The following KIAA1328 variants were observed in gnomAD, a reference collection of about 807,000 sequenced individuals.
The protein encoded by KIAA1328 is KIAA1328.
A neutral mutation model predicts 68.1 loss-of-function variants in KIAA1328; 52 were observed. The ratio of observed to expected loss-of-function variants is 0.76; its 90% CI spans 0.61 to 0.96. The LOEUF (loss-of-function observed/expected upper bound fraction) is 0.96. Ranked by LOEUF, KIAA1328 falls within the 40% of genes least tolerant of loss-of-function variation. The pLI is 0.00. For synonymous variants in KIAA1328, 232 were observed against 239.4 expected (o/e 0.97, Z 0.28); for missense variants, 641 against 677.6 (o/e 0.95, Z 0.60).
intron 9 of KIAA1328, among the ~76,000 whole-genome samples, chr18:37,176,112 G>A (rs1340345866): frequency 2.6e-5 from 4 of 152,112 alleles, no homozygotes; most frequent in South Asian, 2.1e-4. Context: ...GTTAACATTT[G>A]CATTTTTATT....
chr18:37,143,185 C>A (rs1002842496), intron 7 of KIAA1328, among the ~76,000 whole-genome samples: 8 of 152,006 alleles, frequency 5.3e-5, no homozygotes, highest in Admixed American at 3.3e-4. Context: ...GAACTCCTGG[C>A]CTCAAGTAAT....
intron 6 of KIAA1328, among the ~76,000 whole-genome samples, chr18:36,977,620 C>T (rs1373099625): frequency 6.6e-6 from 1 of 151,966 alleles, no homozygotes; most frequent in African/African-American, 2.4e-5. Flanking sequence ...TGTGTGCCAC[C>T]CTAACGTCAT....
At chr18:37,032,259 T>A (rs1182394637) in intron 6 of KIAA1328, among the ~76,000 whole-genome samples, 1 of 152,218 alleles carries the variant, frequency 6.6e-6, no homozygotes, top group Non-Finnish European at 1.5e-5. Context: ...AAAGAATGCT[T>A]CCATTTCCCA....
At chr18:37,007,174 G>T (rs1459099720) in intron 6 of KIAA1328, among the ~76,000 whole-genome samples, 2 of 152,096 alleles carry the variant, frequency 1.3e-5, no homozygotes, top group African/African-American at 4.8e-5. Context: ...AGAACAACAG[G>T]ACATCAAGCT....
chr18:37,028,287 G>A (rs898932141), intron 6 of KIAA1328, among the ~76,000 whole-genome samples: 9 of 151,970 alleles, frequency 5.9e-5, no homozygotes, highest in African/African-American at 9.7e-5. Context: ...TTTATTTTTT[G>A]TGTATGGTTT....
At chr18:37,199,012 A>G (rs2060056819) in intron 9 of KIAA1328, among the ~76,000 whole-genome samples, 1 of 152,228 alleles carries the variant, frequency 6.6e-6, no homozygotes, top group African/African-American at 2.4e-5. Flanking sequence ...CACAGAAAAG[A>G]AAGATATTTG....
intron 7 of KIAA1328, among the ~76,000 whole-genome samples, chr18:37,074,208 C>T (rs1223580104): frequency 1.3e-5 from 2 of 152,116 alleles, no homozygotes; most frequent in East Asian, 3.8e-4. Context: ...GCTGTTTTTT[C>T]CTCTATGACT....
intron 9 of KIAA1328, among the ~76,000 whole-genome samples, chr18:37,202,139 A>C (rs2060126467): frequency 6.6e-6 from 1 of 151,246 alleles, no homozygotes; most frequent in South Asian, 2.1e-4. Flanking sequence ...AAATGCTTCC[A>C]TTTTTTTTTA....
intron 9 of KIAA1328, among the ~76,000 whole-genome samples, chr18:37,199,672 C>T (rs1196109709): frequency 1.3e-5 from 2 of 152,216 alleles, no homozygotes; most frequent in Admixed American, 6.5e-5. Flanking sequence ...AATTGCCTCA[C>T]TGTCTTCCAC....
intron 7 of KIAA1328, among the ~76,000 whole-genome samples, chr18:37,100,576 T>G (rs1011135862): frequency 1.4e-4 from 22 of 152,192 alleles, no homozygotes; most frequent in Non-Finnish European, 3.2e-4. Flanking sequence ...CTTGCCTCTG[T>G]AGACTCCACC....
chr18:37,161,356 T>A (rs1299413094), intron 8 of KIAA1328, among the ~76,000 whole-genome samples: 1 of 152,206 alleles, frequency 6.6e-6, no homozygotes, highest in Non-Finnish European at 1.5e-5. Flanking sequence ...GCTTTTTGGG[T>A]TTGATTGTGA....
At chr18:37,204,090 G>A (rs1025633961) in intron 9 of KIAA1328, among the ~76,000 whole-genome samples, 31 of 152,182 alleles carry the variant, frequency 2.0e-4, no homozygotes, top group African/African-American at 5.8e-4. Flanking sequence ...GATTACAGGC[G>A]TGAGCCACCA....
At chr18:36,996,538 C>T (rs575032602) in intron 6 of KIAA1328, among the ~76,000 whole-genome samples, 15 of 151,264 alleles carry the variant, frequency 9.9e-5, no homozygotes, top group Admixed American at 7.2e-4. Context: ...TTTCTTTTTT[C>T]CTTAAAGCTC....
chr18:37,019,201 G>T (rs1341427659), intron 6 of KIAA1328, among the ~76,000 whole-genome samples: 1 of 151,630 alleles, frequency 6.6e-6, no homozygotes, highest in African/African-American at 2.4e-5. Context: ...AGAATGCTGA[G>T]TAGGGTCTTT....
downstream of KIAA1328, among the ~76,000 whole-genome samples, chr18:37,227,156 G>A (rs1024412179): frequency 1.3e-5 from 2 of 152,228 alleles, no homozygotes; most frequent in Admixed American, 1.3e-4. Flanking sequence ...TGAAGGCTGA[G>A]AGAGATGAAG....
At chr18:37,190,675 T>C (rs2059889008) in intron 9 of KIAA1328, among the ~76,000 whole-genome samples, 1 of 152,160 alleles carries the variant, frequency 6.6e-6, no homozygotes, top group East Asian at 1.9e-4. Flanking sequence ...CAAAATAATG[T>C]TGGATTTTTA....
intron 7 of KIAA1328, among the ~76,000 whole-genome samples, chr18:37,156,280 T>A (rs1177429967): frequency 6.6e-6 from 1 of 151,562 alleles, no homozygotes; most frequent in Non-Finnish European, 1.5e-5. Context: ...GTAACAAAAT[T>A]ACAGGCATGG....
At chr18:37,082,908 C>A (rs993965499) in intron 7 of KIAA1328, among the ~76,000 whole-genome samples, 1 of 152,116 alleles carries the variant, frequency 6.6e-6, no homozygotes, top group African/African-American at 2.4e-5. Flanking sequence ...ACCTTTGTCT[C>A]CCACTCTAAC....
intron 4 of KIAA1328, among the ~76,000 whole-genome samples, chr18:36,869,516 A>G (rs1035970051): frequency 6.6e-6 from 1 of 152,170 alleles, no homozygotes; most frequent in East Asian, 1.9e-4. Context: ...ACTCAGAATT[A>G]TGCTTGAGTC....
Sources: gnomAD v4.1 joint callset for allele counts (sites outside exome capture counted in the v4.1 genomes callset) on GRCh38, gnomAD v4.1.1 for gene constraint, MANE v1.5 for transcripts, NCBI Gene and HGNC (gene_info 2026-07-23, HGNC 2026-07-21) for gene names.